The following HNF4G variants were observed in gnomAD, a reference collection of about 807,000 sequenced individuals.
HNF4G encodes hepatocyte nuclear factor 4 gamma.
Under a neutral mutation model 50.9 loss-of-function variants are expected in HNF4G, and 21 were observed. The observed-to-expected ratio is 0.41, with a 90% confidence interval of 0.29 to 0.59. HNF4G has a LOEUF of 0.59. Among genes scored for constraint, HNF4G ranks in the 20% least tolerant of loss-of-function variants. The pLI is 0.26. For missense variants in HNF4G, 527 were observed against 559.4 expected, an observed-to-expected ratio of 0.94 and a Z score of 0.58; for synonymous variants, 198 against 185.6, an observed-to-expected ratio of 1.07 and a Z score of -0.54.
At chr8:75,512,980 A>G (rs542206843) in intron 2 of HNF4G, among the ~76,000 whole-genome samples, 1 of 152,316 alleles carries the variant, frequency 6.6e-6, no homozygotes, top group African/African-American at 2.4e-5. Flanking sequence ...ATTTTATTAT[A>G]AAACTTCTTT....
At chr8:75,407,742 C>G (rs188364647), upstream of HNF4G, among the ~76,000 whole-genome samples, 40 of 151,412 alleles carry the variant, frequency 2.6e-4, no homozygotes, top group East Asian at 1.5e-3. Context: ...GAAAAAGAAA[C>G]AAACAAACAA....
intron 2 of HNF4G, among the ~76,000 whole-genome samples, chr8:75,505,218 T>C (rs1390763339): frequency 6.6e-6 from 1 of 152,188 alleles, no homozygotes; most frequent in Non-Finnish European, 1.5e-5. Flanking sequence ...ACTCAACTCT[T>C]CTGCTAACTT....
At chr8:75,427,592 A>G (rs570324587) in intron 1 of HNF4G, among the ~76,000 whole-genome samples, 4 of 151,894 alleles carry the variant, frequency 2.6e-5, no homozygotes, top group Non-Finnish European at 4.4e-5. Context: ...AAAATAAAAT[A>G]AATAAAATAA....
intron 6 of HNF4G, among the ~76,000 whole-genome samples, chr8:75,557,108 A>G (rs892603623): frequency 1.3e-5 from 2 of 152,332 alleles, no homozygotes; most frequent in Non-Finnish European, 2.9e-5. Context: ...AACATCTAGA[A>G]TACTGTTCTT....
intron 3 of HNF4G, 56 bp downstream of exon 3, chr8:75,547,737 C>A: frequency 9.7e-7 from 1 of 1,032,528 alleles, no homozygotes; most frequent in Non-Finnish European, 1.5e-6. Context: ...TAAACATACA[C>A]ACACATTCTC....
intron 1 of HNF4G, among the ~76,000 whole-genome samples, chr8:75,442,131 C>T (rs1200668432): frequency 3.3e-5 from 5 of 151,940 alleles, no homozygotes; most frequent in African/African-American, 1.2e-4. Context: ...TTGTTACTAA[C>T]CATAGATATG....
intron 1 of HNF4G, among the ~76,000 whole-genome samples, chr8:75,468,251 C>A (rs1812029968): frequency 1.3e-5 from 2 of 152,126 alleles, no homozygotes; most frequent in Admixed American, 6.6e-5. Flanking sequence ...CATTTATATG[C>A]TGGTATTCCC....
At chr8:75,512,059 C>T (rs943699557) in intron 2 of HNF4G, among the ~76,000 whole-genome samples, 2 of 151,848 alleles carry the variant, frequency 1.3e-5, no homozygotes, top group Non-Finnish European at 2.9e-5. Context: ...CTAGGAAATT[C>T]GTGGAATGAT....
chr8:75,510,592 G>T (rs1285077661), intron 2 of HNF4G, among the ~76,000 whole-genome samples: 2 of 151,904 alleles, frequency 1.3e-5, no homozygotes, highest in South Asian at 2.1e-4. Flanking sequence ...TACACAAAAG[G>T]TTACCATTGT....
intron 1 of HNF4G, among the ~76,000 whole-genome samples, chr8:75,450,514 C>G (rs1333993821): frequency 1.3e-5 from 2 of 152,170 alleles, no homozygotes; most frequent in Non-Finnish European, 2.9e-5. Context: ...AAACTCCATA[C>G]TGTTTTACCT....
Position 75,462,894 on chromosome 8 carries a change from T to C in HNF4G, c.-143-27195T>C, listed in dbSNP as rs186013990. On this transcript the variant is annotated intron_variant, in intron 1 of 10. Coordinates refer to the HNF4G transcript ENST00000354370. The stretch of plus-strand genomic sequence containing the variant: ...TAGAGAAGGCAGACAATATAGTACA[T>C]GTTGTACTTAGATGTTATAAGTAAT... Among the ~76,000 whole-genome samples the C allele has an allele frequency of 6.1e-3, 930 of 152,262 alleles. 6 individuals are homozygous for C. Among genetic ancestry groups the C allele is most frequent in the South Asian group, 0.023 (111 of 4,828 alleles).
At chr8:75,450,305 CA>C (rs2130576742) in intron 1 of HNF4G, among the ~76,000 whole-genome samples, 1 of 152,282 alleles carries the variant, frequency 6.6e-6, no homozygotes, top group African/African-American at 2.4e-5. Flanking sequence ...AATAGTGCTG[CA>C]ATGAATATGG....
chr8:75,510,477 A>G (rs1585908450), intron 2 of HNF4G, among the ~76,000 whole-genome samples: 1 of 152,360 alleles, frequency 6.6e-6, no homozygotes, highest in South Asian at 2.1e-4. Flanking sequence ...ACCCAGAGCA[A>G]CTTCCACTGT....
At chr8:75,520,631 T>C (rs1017434142) in intron 2 of HNF4G, among the ~76,000 whole-genome samples, 1 of 151,918 alleles carries the variant, frequency 6.6e-6, no homozygotes, top group African/African-American at 2.4e-5. Flanking sequence ...AGAGACAGGG[T>C]TTTGCCACGA....
intron 2 of HNF4G, among the ~76,000 whole-genome samples, chr8:75,534,806 T>G (rs1002500206): frequency 1.3e-5 from 2 of 151,824 alleles, no homozygotes; most frequent in African/African-American, 4.8e-5. Context: ...AAATTCAACA[T>G]GAATTGAGAA....
chr8:75,515,051 A>G (rs1156507588), intron 2 of HNF4G, among the ~76,000 whole-genome samples: 1 of 152,128 alleles, frequency 6.6e-6, no homozygotes, highest in Non-Finnish European at 1.5e-5. Flanking sequence ...ATATTTGTCA[A>G]CCAGTACTCT....
intron 2 of HNF4G, among the ~76,000 whole-genome samples, chr8:75,533,384 C>A (rs200050692): frequency 1.3e-5 from 2 of 151,970 alleles, no homozygotes; most frequent in African/African-American, 4.8e-5. Context: ...TCTGATGCAA[C>A]TTGAACCTTG....
intron 1 of HNF4G, among the ~76,000 whole-genome samples, chr8:75,437,583 A>T (rs1368256556): frequency 4.6e-5 from 7 of 152,238 alleles, no homozygotes; most frequent in South Asian, 2.1e-4. Flanking sequence ...AAATTATTTT[A>T]AAAAAGGCTT....
chr8:75,560,512 C>G, intron 9 of HNF4G, 46 bp downstream of exon 9: 1 of 1,560,782 alleles, frequency 6.4e-7, no homozygotes, highest in Non-Finnish European at 8.7e-7. Context: ...CTTAATTACC[C>G]AAGAAAAAGT....
Sources: allele counts gnomAD v4.1 joint callset (sites outside exome capture counted in the v4.1 genomes callset), GRCh38; gene constraint gnomAD v4.1.1; transcripts MANE v1.5; gene names NCBI Gene and HGNC (gene_info 2026-07-23, HGNC 2026-07-21).